SPAG16: variants seen among roughly 807,000 people sequenced by gnomAD.
SPAG16 encodes the protein sperm associated antigen 16, also known as sperm-associated antigen 16 protein.
SPAG16 carries 86 observed loss-of-function variants against 80.4 expected under a neutral mutation model. The observed-to-expected ratio is 1.07, with a 90% CI of 0.90 to 1.28. SPAG16 has a LOEUF of 1.28. Ranked by LOEUF, SPAG16 falls within the 50% of genes most tolerant of loss-of-function variation. SPAG16 has a pLI of 0.00. For missense variants in SPAG16, 870 were observed against 765.3 expected (o/e 1.14, Z -1.61); for synonymous variants, 294 against 265.9 (o/e 1.11, Z -1.03).
At chr2:213,985,512 A>T (rs2045958497) in intron 12 of SPAG16, among the ~76,000 whole-genome samples, 1 of 152,132 alleles carries the variant, frequency 6.6e-6, no homozygotes, top group Non-Finnish European at 1.5e-5. Flanking sequence ...TAGGGTCTTG[A>T]TAAAAATTTA....
At chr2:213,625,325 G>C (rs751709012) in intron 10 of SPAG16, among the ~76,000 whole-genome samples, 17 of 152,162 alleles carry the variant, frequency 1.1e-4, no homozygotes, top group Non-Finnish European at 1.5e-4. Flanking sequence ...CTTCACATGA[G>C]AGCAAAGTGG....
intron 11 of SPAG16, among the ~76,000 whole-genome samples, chr2:213,873,599 G>A (rs6705518): frequency 0.59 from 89,576 of 150,906 alleles, 28,383 homozygotes; most frequent in South Asian, 0.85. Flanking sequence ...TGAGATATTT[G>A]TTCTTTTTAA....
Position 214,247,745 on chromosome 2 carries a change from A to G in SPAG16, c.1720+98479A>G, listed in dbSNP as rs370116939. Among the ~76,000 whole-genome samples the G allele has an allele frequency of 2.6e-4, 39 of 152,246 alleles. No homozygotes were observed. The East Asian group carries it at 6.4e-3, about 25-fold the overall frequency. ...GAACAGCTGATGTGACAAAAAATCAACGAGATCCAGGCATGGTGGCTCATG... is the reference window on the plus strand; with the variant it reads ...GAACAGCTGATGTGACAAAAAATCAGCGAGATCCAGGCATGGTGGCTCATG... On this transcript the variant is annotated intron_variant, in intron 15 of 15. Transcript: ENST00000331683.
At chr2:214,369,612 GC>G (rs1389152814) in intron 15 of SPAG16, among the ~76,000 whole-genome samples, 1 of 151,626 alleles carries the variant, frequency 6.6e-6, no homozygotes, top group Non-Finnish European at 1.5e-5. Context: ...TTAGACATAT[GC>G]CCCCACACCT....
At chr2:213,623,951 C>T (rs1322448300) in intron 10 of SPAG16, among the ~76,000 whole-genome samples, 2 of 151,788 alleles carry the variant, frequency 1.3e-5, no homozygotes, top group Non-Finnish European at 2.9e-5. Context: ...ACATATTTAA[C>T]AATGTAATAA....
intron 6 of SPAG16, among the ~76,000 whole-genome samples, chr2:213,341,592 G>T (rs1430847027): frequency 1.3e-5 from 2 of 152,090 alleles, no homozygotes; most frequent in East Asian, 3.9e-4. Context: ...GAATGCAGTG[G>T]TGAGATTAAG....
chr2:213,537,169 G>C (rs1396099151), intron 10 of SPAG16, among the ~76,000 whole-genome samples: 18 of 111,958 alleles, frequency 1.6e-4, no homozygotes, highest in Non-Finnish European at 2.6e-4. Context: ...TTGCGGGGTG[G>C]GGGGAGGGGG....
intron 15 of SPAG16, among the ~76,000 whole-genome samples, chr2:214,251,652 C>T (rs74897701): frequency 0.018 from 2,753 of 152,116 alleles, 55 homozygotes; most frequent in African/African-American, 0.043. Context: ...TTCTCATTTA[C>T]GTATTTCAAG....
intron 15 of SPAG16, among the ~76,000 whole-genome samples, chr2:214,279,708 C>T (rs1304537416): frequency 3.3e-5 from 5 of 152,146 alleles, no homozygotes; most frequent in African/African-American, 1.2e-4. Context: ...TACCATCCAT[C>T]AATAGCACAA....
intron 11 of SPAG16, among the ~76,000 whole-genome samples, chr2:213,885,699 A>C (rs1158093579): frequency 6.6e-6 from 1 of 152,202 alleles, no homozygotes; most frequent in Non-Finnish European, 1.5e-5. Flanking sequence ...TAGATAAGGA[A>C]GGAGTATTCC....
At chr2:214,367,724 C>A (rs1163088782) in intron 15 of SPAG16, among the ~76,000 whole-genome samples, 2 of 152,108 alleles carry the variant, frequency 1.3e-5, no homozygotes, top group African/African-American at 2.4e-5. Flanking sequence ...ACTCCCAACT[C>A]TCTCATGCCC....
At chr2:213,538,965 G>A (rs1344736609) in intron 10 of SPAG16, among the ~76,000 whole-genome samples, 2 of 152,044 alleles carry the variant, frequency 1.3e-5, no homozygotes, top group Non-Finnish European at 2.9e-5. Context: ...CAGTAGAAAT[G>A]TACTGTATAA....
At chr2:213,769,625 T>C (rs1277875274) in intron 10 of SPAG16, among the ~76,000 whole-genome samples, 1 of 152,216 alleles carries the variant, frequency 6.6e-6, no homozygotes, top group Non-Finnish European at 1.5e-5. Flanking sequence ...TTCCTGCTGA[T>C]TTCCCCAGCC....
intron 10 of SPAG16, among the ~76,000 whole-genome samples, chr2:213,828,999 G>T (rs921230545): frequency 6.6e-6 from 1 of 152,062 alleles, no homozygotes; most frequent in African/African-American, 2.4e-5. Flanking sequence ...GCATAGTACT[G>T]GTTCTCACCC....
In SPAG16 at chr2:213,860,437, T is replaced by C. The variant is rs10176542; in HGVS notation, c.1071-2048T>C. Among the ~76,000 whole-genome samples the C allele has an allele frequency of 7.0e-4, 93 of 133,470 alleles. 1 individual carries two copies. Among genetic ancestry groups the C allele is most frequent in the East Asian group, 2.7e-3 (13 of 4,774 alleles). 87.6% of individuals were successfully genotyped at this position (133,470 alleles called of 152,430 possible). On this transcript the variant is annotated intron_variant, in intron 10 of 15. Coordinates refer to ENST00000331683, the MANE Select transcript of SPAG16 (RefSeq NM_024532.5). ...AATATATGTGTGTATATCTATATAT[T>C]TATAGATATATGTATATATATACAG...
intron 13 of SPAG16, among the ~76,000 whole-genome samples, chr2:214,027,476 T>C (rs1042056198): frequency 6.6e-6 from 1 of 151,742 alleles, no homozygotes; most frequent in Non-Finnish European, 1.5e-5. Flanking sequence ...GTTTATTTTT[T>C]CACATTTGTC....
rs552085627 is a variant in SPAG16 at position 213,862,457 on chromosome 2, T to C, written c.1071-28T>C. ...GAAAACATTTGCTATTATCTCCCCATAACTCTTTTTTCTTTCTCCTCGCGC... is the reference window on the plus strand; with the variant it reads ...GAAAACATTTGCTATTATCTCCCCACAACTCTTTTTTCTTTCTCCTCGCGC... On this transcript the variant is annotated intron_variant, in intron 10 of 15. Transcript: ENST00000331683. 2.5e-6 allele frequency: 4 copies of C among 1,610,422 alleles called. No homozygotes were observed. In the African/African-American group the frequency reaches 5.3e-5, roughly 22 times the overall value.
chr2:213,342,670 A>G (rs1277613515), intron 6 of SPAG16, among the ~76,000 whole-genome samples: 5 of 151,908 alleles, frequency 3.3e-5, no homozygotes, highest in African/African-American at 1.2e-4. Context: ...ACTTTTGGGG[A>G]ATTTCTGCTT....
chr2:213,702,228 C>T (rs1011323663), intron 10 of SPAG16, among the ~76,000 whole-genome samples: 4 of 152,148 alleles, frequency 2.6e-5, no homozygotes, highest in African/African-American at 9.7e-5. Context: ...GACCAATCAG[C>T]TCTCTGTAAA....
Sources: gnomAD v4.1 joint callset for allele counts (sites outside exome capture counted in the v4.1 genomes callset) on GRCh38, gnomAD v4.1.1 for gene constraint, MANE v1.5 for transcripts, NCBI Gene and HGNC (gene_info 2026-07-23, HGNC 2026-07-21) for gene names.